RASEF: variants seen among roughly 807,000 people sequenced by gnomAD.
The protein encoded by RASEF is RAS and EF-hand domain containing, also known as ras and EF-hand domain-containing protein.
A neutral mutation model predicts 90.1 loss-of-function variants in RASEF; 68 were observed. That is an observed-to-expected ratio of 0.75 (90% CI 0.62 to 0.92). RASEF has a LOEUF of 0.92. Ranked by LOEUF, RASEF falls within the 40% of genes least tolerant of loss-of-function variation. RASEF has a pLI of 0.00. For synonymous variants in RASEF, 331 were observed against 345.2 expected (o/e 0.96, Z 0.46); for missense variants, 949 against 937.2 (o/e 1.01, Z -0.16).
chr9:83,108,771 A>G, the RASEF span, among the ~76,000 whole-genome samples: 2 of 152,082 alleles, frequency 1.3e-5, no homozygotes, highest in African/African-American at 4.8e-5. Flanking sequence ...TTGAACTTCT[A>G]TTTCACACCC....
the RASEF span, among the ~76,000 whole-genome samples, chr9:83,171,314 T>C: frequency 3.3e-5 from 5 of 151,886 alleles, no homozygotes; most frequent in Non-Finnish European, 5.9e-5. Flanking sequence ...TAATGTGTGG[T>C]TGAATTCAAT....
At chr9:83,158,681 C>T in the RASEF span, among the ~76,000 whole-genome samples, 3 of 144,164 alleles carry the variant, frequency 2.1e-5, no homozygotes, top group Non-Finnish European at 3.0e-5. Context: ...TATTTATGTA[C>T]ATATACATAT....
chr9:83,103,852 C>T, the RASEF span, among the ~76,000 whole-genome samples: 1 of 152,084 alleles, frequency 6.6e-6, no homozygotes, highest in Non-Finnish European at 1.5e-5. Context: ...TGTTATAATA[C>T]ATTTGTATTA....
rs1169552162 is a variant in RASEF, at chr9:83,022,350, T to C, written c.655A>G (p.Lys219Glu). 2 of 1,613,798 alleles carry C rather than the reference T, an allele frequency of 1.2e-6. No homozygotes were observed. Among genetic ancestry groups the C allele is most frequent in the Non-Finnish European group, 1.7e-6 (2 of 1,179,872 alleles). Residue 219 changes from lysine to glutamate, a missense_variant, in exon 3 of 17, where the codon AAG becomes GAG. Lys to Glu is a moderately conservative substitution (Grantham distance 56). Around this residue, in one of 3 missense-constraint regions of RASEF, gnomAD observed 656 missense variants for 592.2 expected, o/e 1.11. Coordinates refer to ENST00000376447, the MANE Select transcript of RASEF (RefSeq NM_152573.4). ...CAGAAACTCACGTCTTTCCGTGTCT[T>C]ATGTTCTGCAGCCTGAATCCTCTGA... is the stretch of plus-strand genomic sequence containing the variant. ...MDQRIQAAEH[K>E]TRKDEKRKAE...
chr9:83,010,372 T>C (rs1303354749), intron 5 of RASEF, among the ~76,000 whole-genome samples: 10 of 152,164 alleles, frequency 6.6e-5, no homozygotes, highest in African/African-American at 2.4e-4. Context: ...GTTAAAAGAA[T>C]GGAAGAGCAG....
the RASEF span, among the ~76,000 whole-genome samples, chr9:83,182,365 C>T: frequency 6.0e-4 from 92 of 152,128 alleles, no homozygotes; most frequent in African/African-American, 2.0e-3. Context: ...ACCAATCCAC[C>T]GACATTGGCA....
chr9:83,128,930 T>C, the RASEF span, among the ~76,000 whole-genome samples: 1 of 152,232 alleles, frequency 6.6e-6, no homozygotes, highest in Admixed American at 6.5e-5. Flanking sequence ...ATTAATACAC[T>C]AGTAATTTGT....
At chr9:83,147,040 G>GTATATATATATATATA in the RASEF span, among the ~76,000 whole-genome samples, 3 of 143,706 alleles carry the variant, frequency 2.1e-5, no homozygotes, top group South Asian at 2.2e-4. Context: ...ATATATATAT[G>GTATATATATATATATA]TATATATATA....
At chr9:83,107,943 A>G in the RASEF span, among the ~76,000 whole-genome samples, 224 of 152,328 alleles carry the variant, frequency 1.5e-3, 1 homozygote, top group African/African-American at 4.9e-3. Context: ...ATGAATCTCA[A>G]AAACATGTTG....
At chr9:83,168,328 T>A in the RASEF span, among the ~76,000 whole-genome samples, 1 of 152,172 alleles carries the variant, frequency 6.6e-6, no homozygotes, top group Non-Finnish European at 1.5e-5. Flanking sequence ...ATCCAGGTTA[T>A]TTGACTACTT....
intron 14 of RASEF, among the ~76,000 whole-genome samples, chr9:82,994,439 C>A (rs1266816241): frequency 1.3e-5 from 2 of 152,166 alleles, no homozygotes; most frequent in African/African-American, 4.8e-5. Context: ...AACCACAGCC[C>A]ACTTCCTTAT....
chr9:83,126,779 A>C, the RASEF span, among the ~76,000 whole-genome samples: 1 of 152,210 alleles, frequency 6.6e-6, no homozygotes, highest in African/African-American at 2.4e-5. Flanking sequence ...GATATATTTT[A>C]ATTAAACATA....
chr9:83,030,060 T>C (rs1284357268), intron 1 of RASEF, among the ~76,000 whole-genome samples: 1 of 152,042 alleles, frequency 6.6e-6, no homozygotes, highest in Non-Finnish European at 1.5e-5. Context: ...CCTGTCAGGG[T>C]GTCATTAAGA....
chr9:83,137,050 T>C, the RASEF span, among the ~76,000 whole-genome samples: 1 of 152,142 alleles, frequency 6.6e-6, no homozygotes, highest in South Asian at 2.1e-4. Context: ...TTATATGTAC[T>C]TCTTTATTTC....
intron 1 of RASEF, among the ~76,000 whole-genome samples, chr9:83,027,122 G>C (rs1055822665): frequency 3.9e-5 from 6 of 152,180 alleles, no homozygotes; most frequent in African/African-American, 1.4e-4. Flanking sequence ...ATGGCCAAAT[G>C]GAAGAGATGC....
chr9:83,028,195 C>T (rs1292515264), intron 1 of RASEF, among the ~76,000 whole-genome samples: 1 of 152,196 alleles, frequency 6.6e-6, no homozygotes, highest in East Asian at 1.9e-4. Context: ...AAGCCAATCA[C>T]TTTGACACAC....
intron 6 of RASEF, among the ~76,000 whole-genome samples, chr9:83,008,891 CATATATATATATATATAT>C (rs56810511): frequency 0.01 from 205 of 19,562 alleles, 2 homozygotes; most frequent in South Asian, 0.068. Context: ...AAGTTCTCAT[CATATATATATATATATAT>C]ATATATATAT....
intron 1 of RASEF, among the ~76,000 whole-genome samples, chr9:83,031,503 G>A (rs1030282715): frequency 1.3e-5 from 2 of 152,158 alleles, no homozygotes; most frequent in South Asian, 4.1e-4. Flanking sequence ...CTGAGGAGGA[G>A]ACTTAGGCAA....
chr9:83,047,964 C>G (rs946850579), intron 1 of RASEF, among the ~76,000 whole-genome samples: 2 of 152,166 alleles, frequency 1.3e-5, no homozygotes, highest in African/African-American at 4.8e-5. Flanking sequence ...CACTTAAAAC[C>G]CAGCATCACT....
Sources: allele counts gnomAD v4.1 joint callset (sites outside exome capture counted in the v4.1 genomes callset), GRCh38; gene constraint gnomAD v4.1.1; regional missense constraint gnomAD v4.1.1; transcripts MANE v1.5; gene names NCBI Gene and HGNC (gene_info 2026-07-23, HGNC 2026-07-21).